SLC9B1: variants seen among roughly 807,000 people sequenced by gnomAD.
SLC9B1 encodes solute carrier family 9 member B1.
A neutral mutation model predicts 51.7 loss-of-function variants in SLC9B1; 32 were observed. The ratio of observed to expected loss-of-function variants is 0.62; its 90% CI spans 0.47 to 0.83. The LOEUF is 0.83. SLC9B1 is among the 40% of genes least tolerant of loss of function. The pLI is 0.00. For missense variants in SLC9B1, 406 were observed against 613.2 expected (o/e 0.66, Z 3.57); for synonymous variants, 145 against 212.7 (o/e 0.68, Z 2.77).
At position 102,901,267 on chromosome 4, in the gene SLC9B1, C is replaced by A; in HGVS notation, c.1398G>T (p.Ala466=). Residue 466 remains alanine (A), a synonymous_variant, in exon 12 of 12, where the codon GCG becomes GCT. Transcript: ENST00000296422. ...AAAATGCTACTGTCATCACATCCTT[C>A]GCATATGGTTCCAAGTGGGGTGCGG... ...RVSAPHLEPY[A]KDVMTVAFLA... is the part of the protein sequence containing the mutation. The A allele has an allele frequency of 6.2e-7, 1 of 1,612,070 alleles. No homozygotes were observed. Among genetic ancestry groups the A allele is most frequent in the Non-Finnish European group, 8.5e-7 (1 of 1,179,848 alleles).
intron 7 of SLC9B1, among the ~76,000 whole-genome samples, chr4:102,920,522 C>T (rs1378870039): frequency 1.3e-5 from 2 of 152,218 alleles, no homozygotes; most frequent in Admixed American, 6.5e-5. Flanking sequence ...ATCGCAGCTC[C>T]TTGTCAGCAA....
At chr4:103,015,753 C>T (rs928755845) in intron 1 of SLC9B1, among the ~76,000 whole-genome samples, 7 of 152,090 alleles carry the variant, frequency 4.6e-5, no homozygotes, top group East Asian at 1.9e-4. Flanking sequence ...AGTATCAGGC[C>T]GAAGGTCTCA....
At chr4:102,981,356 T>A (rs7659394) in intron 3 of SLC9B1, among the ~76,000 whole-genome samples, 1,876 of 152,240 alleles carry the variant, frequency 0.012, 37 homozygotes, top group African/African-American at 0.042. Context: ...TTCAGCTCAT[T>A]TGGGTAAATA....
intron 1 of SLC9B1, among the ~76,000 whole-genome samples, chr4:103,010,745 C>T (rs984210004): frequency 6.6e-5 from 10 of 152,150 alleles, no homozygotes; most frequent in African/African-American, 2.4e-4. Context: ...AGCTAGCTCC[C>T]TCCACTTATT....
At chr4:102,991,611 T>A in intron 2 of SLC9B1, 32 bp downstream of exon 2, 1 of 1,351,682 alleles carries the variant, frequency 7.4e-7, no homozygotes, top group South Asian at 1.5e-5. Context: ...TGATTTTATA[T>A]CATATATTAC....
At chr4:102,892,640 T>C (rs968751485) in intron 11 of SLC9B1, 9 of 152,204 alleles carry the variant, frequency 5.9e-5, no homozygotes, top group African/African-American at 2.2e-4. Flanking sequence ...ACTGTTTTCT[T>C]AGAACACTGT....
intron 11 of SLC9B1, chr4:102,889,671 A>G (rs1734138123): frequency 6.6e-6 from 1 of 152,242 alleles, no homozygotes; most frequent in African/African-American, 2.4e-5. Context: ...AAATATGCTA[A>G]GAGCTATGCC....
chr4:102,991,744 A>G (rs761859804), intron 1 of SLC9B1, 32 bp from the exon 2 acceptor site: 2 of 1,430,596 alleles, frequency 1.4e-6, no homozygotes, highest in Admixed American at 2.1e-5. Flanking sequence ...CTTTAAAAGA[A>G]GAAACAAGAC....
chr4:102,943,615 C>T (rs1737125769), intron 6 of SLC9B1, among the ~76,000 whole-genome samples: 2 of 151,762 alleles, frequency 1.3e-5, no homozygotes, highest in Non-Finnish European at 2.9e-5. Context: ...AGTCGGAGAC[C>T]ATTATTCTAA....
At position 102,932,076 on chromosome 4, in the gene SLC9B1, C is replaced by T. The variant is rs1160600010; in HGVS notation, c.829+48G>A. 3 of 1,578,210 alleles carry T rather than the reference C, an allele frequency of 1.9e-6. No individual in the cohort carries two copies. In the Admixed American group the frequency reaches 5.1e-5, roughly 27 times the overall value. On this transcript the variant is annotated intron_variant, in intron 7 of 11. Transcript: ENST00000296422. ...CCAGAAACCCTGTTTAAAGAAGTAA[C>T]AAAAAAGGTCATGAATGATCTAGTG...
At position 102,912,858 on chromosome 4, in the gene SLC9B1, A is replaced by G. The variant is rs576204236; in HGVS notation, c.830-1321T>C. On this transcript the variant is annotated intron_variant, in intron 7 of 11. Transcript: ENST00000296422. ...GACAGAGCAAGATCCTGTCTCAAGA[A>G]AATAAAATACAATAAAAATAAAAAA... 1.9e-3 allele frequency among the ~76,000 whole-genome samples: 290 copies of G among 152,332 alleles called. 1 individual carries two copies. The highest frequency in any genetic ancestry group is 3.0e-3 in the Non-Finnish European group (205 of 68,030).
intron 7 of SLC9B1, among the ~76,000 whole-genome samples, chr4:102,914,478 A>C (rs1175214759): frequency 1.3e-5 from 2 of 152,136 alleles, no homozygotes; most frequent in African/African-American, 4.8e-5. Flanking sequence ...GAGTCAAACC[A>C]TGAACTGAAT....
intron 1 of SLC9B1, among the ~76,000 whole-genome samples, chr4:103,017,623 T>C (rs1279201280): frequency 1.3e-5 from 2 of 152,158 alleles, no homozygotes; most frequent in South Asian, 2.1e-4. Context: ...TCCCAAATAT[T>C]TCCATGGTTG....
chr4:102,893,281 C>CAAAAAAAAAAAAAAAAAAAAAAA lies in SLC9B1; in HGVS notation c.1333-7976_1333-7954dup, dbSNP rs58316456. Among the ~76,000 whole-genome samples the CAAAAAAAAAAAAAAAAAAAAAAA allele has an allele frequency of 2.3e-3, 80 of 35,160 alleles. 1 individual carries two copies. Among genetic ancestry groups the CAAAAAAAAAAAAAAAAAAAAAAA allele is most frequent in the Non-Finnish European group, 2.3e-3 (47 of 20,826 alleles). The allele number at this position is 35,160 out of a possible 152,430, so 23.1% of individuals were successfully genotyped here. A position where few individuals can be genotyped will look rare whatever the true frequency, so the allele number is the denominator to read the frequency against. On this transcript the variant is annotated intron_variant, in intron 11 of 11. Coordinates refer to the SLC9B1 transcript ENST00000394789. Reference sequence around the variant, plus strand: ...TGGGCCACAGAGCAAGACTCCATCTCAAAAAAAAAAAAAAAAAAAAAAAAG... The same window carrying CAAAAAAAAAAAAAAAAAAAAAAA: ...TGGGCCACAGAGCAAGACTCCATCTCAAAAAAAAAAAAAAAAAAAAAAAAAAAAAAAAAAAAAAAAAAAAAAAG...
intron 6 of SLC9B1, among the ~76,000 whole-genome samples, chr4:102,942,089 C>G (rs1285091688): frequency 2.6e-5 from 4 of 151,994 alleles, no homozygotes; most frequent in African/African-American, 9.7e-5. Flanking sequence ...AAACAACAAA[C>G]AAACAAACAA....
intron 6 of SLC9B1, among the ~76,000 whole-genome samples, chr4:102,938,600 G>A (rs1578363281): frequency 6.6e-6 from 1 of 152,088 alleles, no homozygotes; most frequent in African/African-American, 2.4e-5. Context: ...GGCATATATT[G>A]TAAAATTGAT....
At chr4:102,921,926 T>A (rs1735900753) in intron 7 of SLC9B1, among the ~76,000 whole-genome samples, 2 of 152,056 alleles carry the variant, frequency 1.3e-5, no homozygotes, top group African/African-American at 2.4e-5. Flanking sequence ...CCTTAGAGAC[T>A]TACAAAGAGA....
At chr4:103,003,401 C>A (rs528684865) in intron 1 of SLC9B1, among the ~76,000 whole-genome samples, 2 of 152,308 alleles carry the variant, frequency 1.3e-5, no homozygotes, top group Non-Finnish European at 2.9e-5. Context: ...GTAACTCAAA[C>A]TTTTGCCCTC....
intron 3 of SLC9B1, chr4:102,962,526 C>T (rs1738193039): frequency 2.1e-6 from 1 of 476,774 alleles, no homozygotes; most frequent in Non-Finnish European, 4.3e-6. Flanking sequence ...GAGGTACTGG[C>T]CTTGGCAGTA....
Sources: allele counts gnomAD v4.1 joint callset (sites outside exome capture counted in the v4.1 genomes callset), GRCh38; gene constraint gnomAD v4.1.1; transcripts MANE v1.5; gene names NCBI Gene and HGNC (gene_info 2026-07-23, HGNC 2026-07-21).